Variants in PLCB4 observed in about 807,000 individuals in gnomAD.
PLCB4 encodes 1-phosphatidylinositol 4,5-bisphosphate phosphodiesterase beta-4.
Under a neutral mutation model 178.8 loss-of-function variants are expected in PLCB4, and 77 were observed. The ratio of observed to expected loss-of-function variants is 0.43; its 90% CI spans 0.36 to 0.52. PLCB4 has a LOEUF of 0.52. Ranked by LOEUF, PLCB4 falls within the 20% of genes least tolerant of loss-of-function variation. PLCB4 has a pLI of 0.00. For synonymous variants in PLCB4, 496 were observed against 490.8 expected (o/e 1.01, Z -0.14); for missense variants, 1,024 against 1,453.4 (o/e 0.70, Z 4.80).
At chr20:9,100,796 A>G (rs2091115401) in intron 2 of PLCB4, among the ~76,000 whole-genome samples, 1 of 151,992 alleles carries the variant, frequency 6.6e-6, no homozygotes. Flanking sequence ...GTTTCACGTT[A>G]TGTTTTGAGT....
chr20:9,101,121 A>G (rs1045548539), intron 2 of PLCB4, among the ~76,000 whole-genome samples: 1 of 152,154 alleles, frequency 6.6e-6, no homozygotes, highest in African/African-American at 2.4e-5. Context: ...TCAGCCCTCA[A>G]TAGAAAAGAA....
intron 4 of PLCB4, among the ~76,000 whole-genome samples, chr20:9,313,671 A>G (rs193192453): frequency 6.6e-6 from 1 of 152,212 alleles, no homozygotes; most frequent in African/African-American, 2.4e-5. Context: ...TCCTGTCTCT[A>G]TTAGAGTTGG....
At chr20:9,081,095 T>G (rs886439433) in intron 1 of PLCB4, among the ~76,000 whole-genome samples, 4 of 152,358 alleles carry the variant, frequency 2.6e-5, no homozygotes, top group East Asian at 3.9e-4. Flanking sequence ...TGTCTTCTAT[T>G]GGCTATTCAG....
rs764528136 is a variant in PLCB4, at chr20:9,419,922, C to T, written c.2154+13C>T. 1.1e-5 allele frequency: 16 copies of T among 1,512,886 alleles called. No homozygotes were observed. The highest frequency in any genetic ancestry group is 3.7e-6 in the Non-Finnish European group (4 of 1,087,704). 93.7% of individuals were successfully genotyped at this position (1,512,886 alleles called of 1,614,324 possible). Reference sequence around the variant, plus strand: ...TTGCTCAGTGCAGGTAAGGCCCCTGCTCATCACAAGGTAGTATAAATGTAT... The same window carrying T: ...TTGCTCAGTGCAGGTAAGGCCCCTGTTCATCACAAGGTAGTATAAATGTAT... On this transcript the variant is annotated intron_variant, in intron 26 of 39. Coordinates refer to ENST00000378473, the MANE Select transcript of PLCB4 (RefSeq NM_001377142.1).
intron 20 of PLCB4, among the ~76,000 whole-genome samples, chr20:9,404,604 CAAAA>C (rs34712600): frequency 4.6e-5 from 3 of 65,716 alleles, no homozygotes; most frequent in Non-Finnish European, 3.1e-5. Context: ...GACTGTGTCT[CAAAA>C]AAAAAAAAAA....
At chr20:9,434,064 A>G (rs2041603521) in intron 28 of PLCB4, among the ~76,000 whole-genome samples, 1 of 152,246 alleles carries the variant, frequency 6.6e-6, no homozygotes, top group South Asian at 2.1e-4. Flanking sequence ...TGGAAGGACA[A>G]GCTGTCTACC....
At chr20:9,272,704 G>T (rs2094415566) in intron 3 of PLCB4, among the ~76,000 whole-genome samples, 1 of 152,022 alleles carries the variant, frequency 6.6e-6, no homozygotes, top group Admixed American at 6.6e-5. Context: ...GAGCTTTTCT[G>T]CTCCCCAGGG....
At chr20:9,178,921 G>T (rs992630912) in intron 2 of PLCB4, among the ~76,000 whole-genome samples, 4 of 151,880 alleles carry the variant, frequency 2.6e-5, no homozygotes, top group Non-Finnish European at 5.9e-5. Context: ...AATAATTTTG[G>T]TGTTTACATT....
intron 36 of PLCB4, among the ~76,000 whole-genome samples, chr20:9,470,259 G>A (rs141659668): frequency 0.023 from 3,492 of 151,840 alleles, 127 homozygotes; most frequent in African/African-American, 0.08. Flanking sequence ...TGAACCCCAG[G>A]GGCGGAGGTT....
At chr20:9,238,698 T>C (rs2147396380) in intron 3 of PLCB4, among the ~76,000 whole-genome samples, 1 of 152,350 alleles carries the variant, frequency 6.6e-6, no homozygotes, top group African/African-American at 2.4e-5. Flanking sequence ...TGTAAATAAA[T>C]GATGTTACTC....
chr20:9,232,938 C>T (rs1042590215), intron 3 of PLCB4, among the ~76,000 whole-genome samples: 4 of 152,000 alleles, frequency 2.6e-5, no homozygotes, highest in African/African-American at 9.7e-5. Context: ...GGGTTGAATG[C>T]TTGATGTAAC....
chr20:9,436,188 A>G (rs1253599666), intron 29 of PLCB4, among the ~76,000 whole-genome samples: 1 of 152,214 alleles, frequency 6.6e-6, no homozygotes, highest in Non-Finnish European at 1.5e-5. Context: ...AGGATACCTC[A>G]TTATGTATAT....
At chr20:9,246,519 T>C (rs1287929831) in intron 3 of PLCB4, among the ~76,000 whole-genome samples, 2 of 152,200 alleles carry the variant, frequency 1.3e-5, no homozygotes, top group Admixed American at 1.3e-4. Flanking sequence ...CAACACTTAA[T>C]ACTCCTGTGG....
At chr20:9,387,218 C>T (rs1257978170) in intron 14 of PLCB4, among the ~76,000 whole-genome samples, 2 of 152,096 alleles carry the variant, frequency 1.3e-5, no homozygotes, top group Admixed American at 6.5e-5. Context: ...TCATCCAGAA[C>T]CATGATGCTT....
chr20:9,275,674 C>T (rs1403181367), intron 3 of PLCB4, among the ~76,000 whole-genome samples: 4 of 152,056 alleles, frequency 2.6e-5, no homozygotes, highest in Non-Finnish European at 5.9e-5. Flanking sequence ...CAAATCCCAA[C>T]TAATTCTGTT....
chr20:9,193,711 T>G (rs2093433188), intron 2 of PLCB4, among the ~76,000 whole-genome samples: 1 of 152,080 alleles, frequency 6.6e-6, no homozygotes, highest in Admixed American at 6.5e-5. Flanking sequence ...TCAAGAAAAA[T>G]AGGATTCTTA....
At chr20:9,098,945 G>A (rs747932463) in intron 2 of PLCB4, among the ~76,000 whole-genome samples, 9 of 150,344 alleles carry the variant, frequency 6.0e-5, no homozygotes, top group African/African-American at 9.8e-5. Context: ...GTATATATAC[G>A]TATATATATA....
chr20:9,168,909 C>G (rs369896474), intron 2 of PLCB4, among the ~76,000 whole-genome samples: 11 of 128,460 alleles, frequency 8.6e-5, no homozygotes, highest in South Asian at 4.9e-4. Flanking sequence ...AGCCCCAACT[C>G]CTGCCTGTCA....
At chr20:9,403,339 G>A (rs1039362796) in intron 20 of PLCB4, among the ~76,000 whole-genome samples, 2 of 152,116 alleles carry the variant, frequency 1.3e-5, no homozygotes, top group Non-Finnish European at 2.9e-5. Flanking sequence ...TAAAAGTGGA[G>A]CCAGAAAAGA....
Sources: allele counts gnomAD v4.1 joint callset (sites outside exome capture counted in the v4.1 genomes callset), GRCh38; gene constraint gnomAD v4.1.1; transcripts MANE v1.5; gene names NCBI Gene and HGNC (gene_info 2026-07-23, HGNC 2026-07-21).